Variants in MYOM2 observed in about 807,000 individuals in gnomAD.
MYOM2 encodes myomesin-2.
MYOM2 carries 254 observed loss-of-function variants against 187.6 expected under a neutral mutation model. The observed-to-expected ratio is 1.35, with a 90% CI of 1.22 to 1.50. The LOEUF (loss-of-function observed/expected upper bound fraction) is 1.50, where lower values mean the gene tolerates loss of function less well. Ranked by LOEUF, MYOM2 falls within the 40% of genes most tolerant of loss-of-function variation. The pLI, the probability that MYOM2 is intolerant of heterozygous loss-of-function variation, is 0.00. For synonymous variants in MYOM2, 981 were observed against 753.8 expected (o/e 1.30, Z -4.94); for missense variants, 2,796 against 1,924.0 (o/e 1.45, Z -8.48).
At chr8:2,049,778 C>G (rs935408773) in intron 1 of MYOM2, among the ~76,000 whole-genome samples, 2 of 152,210 alleles carry the variant, frequency 1.3e-5, no homozygotes, top group Admixed American at 1.3e-4. Context: ...TCAAGTCACT[C>G]AGCACGTTGG....
intron 3 of MYOM2, among the ~76,000 whole-genome samples, chr8:2,053,162 A>C (rs1332642637): frequency 6.6e-6 from 1 of 152,266 alleles, no homozygotes; most frequent in African/African-American, 2.4e-5. Context: ...TTGAGTAAAC[A>C]TCTTTCATTT....
rs372462026 is a variant in MYOM2, at chr8:2,144,870, C to T, written c.4287C>T (p.Ile1429=). ...NIKNKYGGEK[I]DVTVSVYKHG... ...AGAATAAGTATGGCGGGGAGAAGAT[C>T]GACGTGACAGTGAGCGTGTACAAAC... Residue 1429 remains isoleucine, a synonymous_variant, in exon 37 of 37, where the codon ATC becomes ATT. Transcript: ENST00000262113. 2.5e-5 allele frequency: 40 copies of T among 1,613,936 alleles called. No individual in the cohort carries two copies. The highest frequency in any genetic ancestry group is 9.9e-5 in the South Asian group (9 of 91,070).
intron 14 of MYOM2, among the ~76,000 whole-genome samples, chr8:2,086,474 T>A (rs1260045236): frequency 1.5e-4 from 21 of 142,232 alleles, no homozygotes; most frequent in Admixed American, 2.8e-4. Flanking sequence ...GGCCACACAC[T>A]GTCATGATCT....
chr8:2,135,591 G>A (rs555498168), intron 32 of MYOM2, among the ~76,000 whole-genome samples: 6 of 152,184 alleles, frequency 3.9e-5, no homozygotes, highest in African/African-American at 1.2e-4. Context: ...TTAGCACGAA[G>A]GAGCAGAAAC....
chr8:2,119,616 C>T (rs953103026), intron 28 of MYOM2, among the ~76,000 whole-genome samples: 5 of 152,098 alleles, frequency 3.3e-5, no homozygotes, highest in Non-Finnish European at 5.9e-5. Flanking sequence ...CGAGCAGGAG[C>T]CCGCTGCCCT....
chr8:2,075,222 A>G (rs563471916), intron 10 of MYOM2, among the ~76,000 whole-genome samples: 2 of 152,142 alleles, frequency 1.3e-5, no homozygotes, highest in Admixed American at 1.3e-4. Context: ...GCCAAGTTTC[A>G]CTGCTGTTGT....
rs545844952 is a variant in MYOM2, at chr8:2,108,817, A to G, written c.3030A>G (p.Glu1010=). 5.5e-5 allele frequency: 88 copies of G among 1,613,894 alleles called. 1 individual carries two copies. The South Asian group carries it at 9.0e-4, about 17-fold the overall frequency. Residue 1010 remains glutamate (E), a synonymous_variant, in exon 24 of 37, where the codon GAA becomes GAG. Transcript: ENST00000262113. ...AGCGTTTGATGGCATTGAGCAATGA[A>G]ATAAAGAACCCCAGTAAGTAAGCCT... is the stretch of plus-strand genomic sequence containing the variant. ...ELERLMALSN[E]IKNPTIPLKS...
At chr8:2,100,584 C>T (rs933563547) in intron 19 of MYOM2, 11 of 401,294 alleles carry the variant, frequency 2.7e-5, no homozygotes, top group East Asian at 2.6e-4. Flanking sequence ...TCCCGCACAC[C>T]GTTCCTCTCT....
At chr8:2,075,673 A>G (rs1819391838) in intron 10 of MYOM2, among the ~76,000 whole-genome samples, 1 of 152,262 alleles carries the variant, frequency 6.6e-6, no homozygotes, top group Non-Finnish European at 1.5e-5. Context: ...TGAGAAACGA[A>G]TGATGCAATA....
At chr8:2,086,829 C>G (rs1052861996) in intron 14 of MYOM2, among the ~76,000 whole-genome samples, 2 of 152,238 alleles carry the variant, frequency 1.3e-5, no homozygotes, top group African/African-American at 4.8e-5. Flanking sequence ...CCAGATTCCT[C>G]GATGGCCATG....
At chr8:2,057,842 C>G in intron 5 of MYOM2, 62 bp downstream of exon 5, 2 of 1,563,096 alleles carry the variant, frequency 1.3e-6, no homozygotes, top group South Asian at 2.4e-5. Flanking sequence ...CAGAAAGACC[C>G]CAGTTAAGGA....
chr8:2,103,037 T>C (rs1160410348), intron 21 of MYOM2, among the ~76,000 whole-genome samples: 1 of 151,984 alleles, frequency 6.6e-6, no homozygotes, highest in Admixed American at 6.5e-5. Flanking sequence ...GGTGTCTGAA[T>C]AAATGAGTGG....
At position 2,078,905 on chromosome 8, in the gene MYOM2, T is replaced by G; in HGVS notation, c.1434T>G (p.Leu478=). 1 of 1,613,948 alleles carries G rather than the reference T, an allele frequency of 6.2e-7. No individual in the cohort carries two copies. The highest frequency in any genetic ancestry group is 8.5e-7 in the Non-Finnish European group (1 of 1,179,864). Residue 478 remains leucine (L), a synonymous_variant, in exon 12 of 37, where the codon CTT becomes CTG. Coordinates refer to ENST00000262113, the MANE Select transcript of MYOM2 (RefSeq NM_003970.4). ...GGGTCTCTGATGCGGTGGCTGCACT[T>G]GACCCCTTGGACCTCAGAAGGTTAC... The part of the protein sequence containing the change: ...PSRVSDAVAA[L]DPLDLRRLQA...
At chr8:2,092,588 G>C (rs975007759) in intron 16 of MYOM2, 68 bp downstream of exon 16, 2 of 1,505,036 alleles carry the variant, frequency 1.3e-6, no homozygotes, top group East Asian at 4.6e-5. Context: ...GGTCCCTGTG[G>C]CCCTGGCACA....
At chr8:2,068,020 C>A (rs1262514085) in intron 6 of MYOM2, among the ~76,000 whole-genome samples, 1 of 152,100 alleles carries the variant, frequency 6.6e-6, no homozygotes, top group Non-Finnish European at 1.5e-5. Flanking sequence ...CAGGTACAAG[C>A]TGTGTTGAGG....
chr8:2,067,137 C>G (rs1819045219), intron 6 of MYOM2, among the ~76,000 whole-genome samples: 1 of 152,140 alleles, frequency 6.6e-6, no homozygotes. Flanking sequence ...CGTTCTTTCC[C>G]TTTTGTTGGA....
chr8:2,114,490 T>C (rs1372065207), intron 25 of MYOM2, among the ~76,000 whole-genome samples: 1 of 152,182 alleles, frequency 6.6e-6, no homozygotes, highest in Non-Finnish European at 1.5e-5. Context: ...CCCCCTTTTT[T>C]TGAGACAGAG....
intron 6 of MYOM2, among the ~76,000 whole-genome samples, chr8:2,067,041 G>C (rs1453348486): frequency 6.6e-6 from 1 of 152,212 alleles, no homozygotes; most frequent in Non-Finnish European, 1.5e-5. Flanking sequence ...AGGGAGGTCA[G>C]ATGGTTTTAT....
At chr8:2,082,999 G>T (rs150823640) in intron 13 of MYOM2, among the ~76,000 whole-genome samples, 1 of 152,104 alleles carries the variant, frequency 6.6e-6, no homozygotes, top group South Asian at 2.1e-4. Context: ...TGCGATCTTA[G>T]GAAAGTGATA....
Sources: allele counts gnomAD v4.1 joint callset (sites outside exome capture counted in the v4.1 genomes callset), GRCh38; gene constraint gnomAD v4.1.1; transcripts MANE v1.5; gene names NCBI Gene and HGNC (gene_info 2026-07-23, HGNC 2026-07-21).